CPA4: variants seen among roughly 807,000 people sequenced by gnomAD.
CPA4 encodes carboxypeptidase A4, also known as carboxypeptidase A3.
Under a neutral mutation model 54.7 loss-of-function variants are expected in CPA4, and 49 were observed. That is an observed-to-expected ratio of 0.90 (90% confidence interval 0.71 to 1.14). CPA4 has a LOEUF of 1.14. CPA4 is among the 50% of genes most tolerant of loss of function. The probability of loss-of-function intolerance (pLI) is 0.00; values close to 1 mark genes in which losing one functional copy is unlikely to be tolerated. For synonymous variants in CPA4, 215 were observed against 206.8 expected, an observed-to-expected ratio of 1.04 and a Z score of -0.34; for missense variants, 487 against 525.1, an observed-to-expected ratio of 0.93 and a Z score of 0.71.
chr7:130,296,166 G>A (rs968132251), intron 1 of CPA4, among the ~76,000 whole-genome samples: 9 of 152,202 alleles, frequency 5.9e-5, no homozygotes, highest in Admixed American at 2.6e-4. Context: ...GCAGGCAGTG[G>A]GAACAGCGTG....
chr7:130,306,710 C>T (rs1793826181), intron 6 of CPA4, 77 bp from the exon 7 acceptor site: 3 of 855,688 alleles, frequency 3.5e-6, no homozygotes, highest in Admixed American at 3.8e-5. Context: ...TGCTGGGCAT[C>T]TTGAGAAGAT....
intron 1 of CPA4, among the ~76,000 whole-genome samples, chr7:130,294,381 T>C (rs1317616197): frequency 6.6e-6 from 1 of 152,234 alleles, no homozygotes; most frequent in African/African-American, 2.4e-5. Context: ...CTAAGTTTTA[T>C]GATGATGACT....
rs144517019 is a variant in CPA4 at position 130,310,800 on chromosome 7, C to T, written c.807C>T (p.Ser269=). The T allele has an allele frequency of 1.0e-4, 168 of 1,613,970 alleles. 1 individual carries two copies. The African/African-American group carries it at 1.4e-3, about 13-fold the overall frequency. ...WNASFAGKGA[S]DNPCSEVYHG... is the part of the protein sequence containing the mutation. Reference sequence around the variant, plus strand: ...TATCCCCAACAGGAAAGGGAGCCAGCGACAACCCTTGCTCCGAAGTGTACC... The same window carrying T: ...TATCCCCAACAGGAAAGGGAGCCAGTGACAACCCTTGCTCCGAAGTGTACC... Residue 269 remains serine, a synonymous_variant, in exon 9 of 11, where the codon AGC becomes AGT. Coordinates refer to ENST00000222482, the MANE Select transcript of CPA4 (RefSeq NM_016352.4). The surrounding 1 kb of genome is among the most constrained non-coding windows in gnomAD (Gnocchi z 4.3).
intron 8 of CPA4, among the ~76,000 whole-genome samples, chr7:130,309,032 G>C (rs1049098247): frequency 2.0e-5 from 3 of 152,032 alleles, no homozygotes; most frequent in Non-Finnish European, 2.9e-5. Context: ...TTTTAGTAGA[G>C]ACAGGGTTTT....
At chr7:130,302,092 A>G (rs1793747320) in intron 4 of CPA4, among the ~76,000 whole-genome samples, 2 of 152,208 alleles carry the variant, frequency 1.3e-5, no homozygotes, top group African/African-American at 2.4e-5. Context: ...AGCCTGGCTT[A>G]CAGCAATCTT....
At chr7:130,295,749 G>A (rs1162528940) in intron 1 of CPA4, among the ~76,000 whole-genome samples, 1 of 152,196 alleles carries the variant, frequency 6.6e-6, no homozygotes, top group African/African-American at 2.4e-5. Context: ...GGAGGCTGAG[G>A]CAGGTGGATC....
chr7:130,304,529 A>T lies in CPA4; in HGVS notation c.436A>T (p.Arg146Trp), dbSNP rs1305605912. Residue 146 changes from arginine to tryptophan, a missense_variant, in exon 5 of 11, where the codon AGG becomes TGG. Physicochemically the swap from Arg to Trp is moderately radical, Grantham distance 101 (BLOSUM62 -3). Coordinates refer to ENST00000222482, the MANE Select transcript of CPA4 (RefSeq NM_016352.4). The stretch of plus-strand genomic sequence containing the variant: ...CGCAGACTTTCCTGACCTGGCGAGG[A>T]GGGTGAAGATTGGACATTCGTTTGA... The part of the protein sequence containing the change: ...IAADFPDLAR[R>W]VKIGHSFENR... 1.9e-6 allele frequency: 3 copies of T among 1,613,640 alleles called. No homozygotes were observed. The highest frequency in any genetic ancestry group is 2.5e-6 in the Non-Finnish European group (3 of 1,179,698).
chr7:130,322,550 A>G lies in CPA4; in HGVS notation c.1140A>G (p.Thr380=). 1.9e-6 allele frequency: 3 copies of G among 1,614,144 alleles called. No homozygotes were observed. The highest frequency in any genetic ancestry group is 2.5e-6 in the Non-Finnish European group (3 of 1,180,018). Residue 380 remains threonine, a synonymous_variant, in exon 11 of 11, where the codon ACA becomes ACG. Transcript: ENST00000222482. The part of the protein sequence containing the change: ...AYDNGIKFAF[T]FELRDTGTYG... ...ACAACGGCATCAAATTTGCATTCAC[A>G]TTTGAGTTGAGAGATACCGGGACCT...
At chr7:130,305,251 G>T (rs1793801915) in intron 5 of CPA4, among the ~76,000 whole-genome samples, 1 of 152,182 alleles carries the variant, frequency 6.6e-6, no homozygotes, top group Admixed American at 6.5e-5. Flanking sequence ...GAGGAGACCT[G>T]CCACGGAGCT....
intron 8 of CPA4, among the ~76,000 whole-genome samples, chr7:130,308,946 C>T (rs535485650): frequency 3.5e-4 from 53 of 151,012 alleles, no homozygotes; most frequent in Non-Finnish European, 5.9e-4. Flanking sequence ...CTCCGCCTCC[C>T]GGGTTCAAGT....
rs3778857 is a variant in CPA4, at chr7:130,299,524, T to C, written c.285+120T>C. The C allele has an allele frequency of 1.3e-3, 1,159 of 875,612 alleles. 12 individuals are homozygous for C. The East Asian group carries it at 0.029, about 22-fold the overall frequency. The allele number at this position is 875,612 out of a possible 1,614,324, so 54.2% of individuals were successfully genotyped here. A position where few individuals can be genotyped will look rare whatever the true frequency, so the allele number is the denominator to read the frequency against. On this transcript the variant is annotated intron_variant, in intron 3 of 10. Transcript: ENST00000222482. The stretch of plus-strand genomic sequence containing the variant: ...CTTTTCTATTTTATAGACCAGGAAA[T>C]GGAGGCAAATGGAAGTAAAGTGCAG...
intron 5 of CPA4, 52 bp downstream of exon 5, chr7:130,304,631 C>A: frequency 2.8e-6 from 3 of 1,064,006 alleles, no homozygotes; most frequent in Non-Finnish European, 4.4e-6. Flanking sequence ...GCCCAGGACC[C>A]AGCCTCAGAC....
intron 10 of CPA4, among the ~76,000 whole-genome samples, chr7:130,321,856 A>G (rs1794109410): frequency 6.6e-6 from 1 of 152,192 alleles, no homozygotes; most frequent in South Asian, 2.1e-4. Context: ...GGGAGCTACA[A>G]TTCAAGATGA....
chr7:130,318,897 G>T (rs118021467), intron 10 of CPA4, among the ~76,000 whole-genome samples: 113 of 152,248 alleles, frequency 7.4e-4, no homozygotes, highest in Non-Finnish European at 7.1e-4. Flanking sequence ...TTCCTAGATC[G>T]CCATTTTAGA....
At chr7:130,321,391 T>C (rs1794096644) in intron 10 of CPA4, among the ~76,000 whole-genome samples, 2 of 152,218 alleles carry the variant, frequency 1.3e-5, no homozygotes, top group South Asian at 4.2e-4. Flanking sequence ...ATCCTAAAAC[T>C]TAGCAGCTTA....
At chr7:130,306,587 G>A (rs770382336) in intron 6 of CPA4, among the ~76,000 whole-genome samples, 200 bp from the exon 7 acceptor site, 1 of 152,208 alleles carries the variant, frequency 6.6e-6, no homozygotes, top group East Asian at 1.9e-4. Flanking sequence ...AAGCAGCCGT[G>A]TCTCTCCAGG....
chr7:130,308,667 C>T lies in CPA4; in HGVS notation c.793+270C>T, dbSNP rs371267479. On this transcript the variant is annotated intron_variant, in intron 8 of 10. Transcript: ENST00000222482. ...CTGCCTCCTGGGTTCAAGTGATTCT[C>T]CTGCCTTAGCCTCCTGAGTAGCTGG... Among the ~76,000 whole-genome samples, 37 of 151,302 alleles carry T rather than the reference C, an allele frequency of 2.4e-4. 1 individual carries two copies. The highest frequency in any genetic ancestry group is 8.8e-4 in the African/African-American group (36 of 41,130).
chr7:130,318,001 A>G (rs368020096), intron 10 of CPA4, among the ~76,000 whole-genome samples: 2 of 152,264 alleles, frequency 1.3e-5, no homozygotes, highest in African/African-American at 4.8e-5. Flanking sequence ...TTCAGATGCC[A>G]TCAGATGATG....
chr7:130,321,786 A>G (rs1383777775), intron 10 of CPA4, among the ~76,000 whole-genome samples: 1 of 152,188 alleles, frequency 6.6e-6, no homozygotes, highest in African/African-American at 2.4e-5. Context: ...GTATGGGGGA[A>G]ACCACTCCCA....
Sources: gnomAD v4.1 joint callset for allele counts (sites outside exome capture counted in the v4.1 genomes callset) on GRCh38, gnomAD v4.1.1 for gene constraint, Gnocchi (gnomAD v3.1) non-coding constraint, MANE v1.5 for transcripts, NCBI Gene and HGNC (gene_info 2026-07-23, HGNC 2026-07-21) for gene names.